The following LPCAT2 variants were observed in gnomAD, a reference collection of about 807,000 sequenced individuals.
LPCAT2 encodes lysophosphatidylcholine acyltransferase 2, also known as 1-AGP acyltransferase 11.
Under a neutral mutation model 64.7 loss-of-function variants are expected in LPCAT2, and 58 were observed. The observed-to-expected ratio is 0.90, with a 90% CI of 0.73 to 1.12. The LOEUF (loss-of-function observed/expected upper bound fraction) is 1.12, where lower values mean the gene tolerates loss of function less well. Among genes scored for constraint, LPCAT2 ranks in the 50% most tolerant of loss-of-function variants. The pLI, the probability that LPCAT2 is intolerant of heterozygous loss-of-function variation, is 0.00. For synonymous variants in LPCAT2, 252 were observed against 245.3 expected (o/e 1.03, Z -0.26); for missense variants, 579 against 669.8 (o/e 0.86, Z 1.50).
Position 55,567,209 on chromosome 16 carries a change from C to G in LPCAT2, c.1216-7422C>G, listed in dbSNP as rs1963712141. 2.5e-6 allele frequency: 4 copies of G among 1,613,672 alleles called. No individual in the cohort carries two copies. The highest frequency in any genetic ancestry group is 2.7e-5 in the African/African-American group (2 of 74,878). ...AATTTAAGTATCTGTGGAACAACAT[C>G]AAGAAATGGCAGTGTGTTTATAAGC... is the stretch of plus-strand genomic sequence containing the variant. On this transcript the variant is annotated intron_variant, in intron 11 of 13. Transcript: ENST00000262134.
intron 2 of LPCAT2, among the ~76,000 whole-genome samples, chr16:55,526,269 C>T (rs1403607392): frequency 2.0e-5 from 3 of 152,024 alleles, no homozygotes; most frequent in African/African-American, 7.2e-5. Flanking sequence ...GTTGACAAAG[C>T]TACTGGTAAA....
chr16:55,509,627 G>C (rs1175902614), intron 1 of LPCAT2, among the ~76,000 whole-genome samples: 1 of 151,984 alleles, frequency 6.6e-6, no homozygotes, highest in African/African-American at 2.4e-5. Flanking sequence ...CGAGGGGCGC[G>C]TGGGTCTGAG....
rs1021055541 is a variant in LPCAT2, at chr16:55,519,703, C to A, written c.172-5805C>A. Among the ~76,000 whole-genome samples, 7 of 151,976 alleles carry A rather than the reference C, an allele frequency of 4.6e-5. No individual in the cohort carries two copies. In the East Asian group the frequency reaches 1.4e-3, roughly 29 times the overall value. On this transcript the variant is annotated intron_variant, in intron 1 of 13. Coordinates refer to ENST00000262134, the MANE Select transcript of LPCAT2 (RefSeq NM_017839.5). ...AGCTAGAAAATGTAACCATTTAATACAAAAATTATTATTTTCTTGGGTTTA... is the reference window on the plus strand; with the variant it reads ...AGCTAGAAAATGTAACCATTTAATAAAAAAATTATTATTTTCTTGGGTTTA...
chr16:55,578,876 TC>T lies in LPCAT2; in HGVS notation c.1315-229del, dbSNP rs201373347. On this transcript the variant is annotated intron_variant, in intron 12 of 13. Transcript: ENST00000262134. Reference sequence around the variant, plus strand: ...GGATTCATTATGTTCCCCATGGAGATCCCCTGTCCCTTTGTACTATGGACCA... The same window carrying T: ...GGATTCATTATGTTCCCCATGGAGATCCCTGTCCCTTTGTACTATGGACCA... The T allele has an allele frequency of 6.9e-4, 271 of 393,200 alleles. 2 individuals carry two copies. The East Asian group carries it at 0.01, about 15-fold the overall frequency. The allele number at this position is 393,200 out of a possible 1,614,324, so 24.4% of individuals were successfully genotyped here.
chr16:55,528,313 G>C (rs918580060), intron 2 of LPCAT2, 64 bp from the exon 3 acceptor site: 2 of 1,278,992 alleles, frequency 1.6e-6, no homozygotes, highest in Admixed American at 3.7e-5. Context: ...TTGTATTATA[G>C]AGTAAAACCC....
At chr16:55,565,518 C>T (rs188963781) in intron 11 of LPCAT2, among the ~76,000 whole-genome samples, 311 of 152,082 alleles carry the variant, frequency 2.0e-3, no homozygotes, top group African/African-American at 7.3e-3. Flanking sequence ...TATTATTCAT[C>T]ATTAGAAAGG....
intron 11 of LPCAT2, among the ~76,000 whole-genome samples, chr16:55,572,942 AAC>A (rs1184604346): frequency 6.6e-6 from 1 of 152,198 alleles, no homozygotes; most frequent in Admixed American, 6.5e-5. Flanking sequence ...GAAAAGGAAA[AAC>A]AAAAAACAAA....
intron 7 of LPCAT2, among the ~76,000 whole-genome samples, chr16:55,536,842 T>C (rs2142387226): frequency 6.6e-6 from 1 of 152,290 alleles, no homozygotes; most frequent in Middle Eastern, 3.4e-3. Flanking sequence ...TCAAACATTA[T>C]CTTTTAGAGG....
chr16:55,515,372 G>A (rs1962996621), intron 1 of LPCAT2, among the ~76,000 whole-genome samples: 2 of 151,966 alleles, frequency 1.3e-5, no homozygotes, highest in Admixed American at 6.6e-5. Flanking sequence ...TGTCAACAAA[G>A]AATTGTATAG....
At chr16:55,516,472 T>C (rs1963013076) in intron 1 of LPCAT2, among the ~76,000 whole-genome samples, 1 of 152,134 alleles carries the variant, frequency 6.6e-6, no homozygotes, top group Non-Finnish European at 1.5e-5. Context: ...TGATATACCA[T>C]GCAAACAGTA....
chr16:55,514,258 G>A (rs1962975356), intron 1 of LPCAT2, among the ~76,000 whole-genome samples: 1 of 152,086 alleles, frequency 6.6e-6, no homozygotes, highest in African/African-American at 2.4e-5. Flanking sequence ...CTATGCACAT[G>A]TCCTGAAAAT....
intron 8 of LPCAT2, among the ~76,000 whole-genome samples, chr16:55,537,888 G>C (rs1438689709): frequency 3.3e-5 from 5 of 152,204 alleles, no homozygotes; most frequent in African/African-American, 1.2e-4. Context: ...CTCCTTTAAT[G>C]CTGACCTCTG....
chr16:55,516,212 C>T (rs1254286262), intron 1 of LPCAT2, among the ~76,000 whole-genome samples: 1 of 152,058 alleles, frequency 6.6e-6, no homozygotes, highest in South Asian at 2.1e-4. Context: ...TCAAGTGTTC[C>T]TTCTATCTCA....
intron 2 of LPCAT2, 42 bp downstream of exon 2, chr16:55,525,689 A>C: frequency 2.1e-6 from 3 of 1,458,876 alleles, no homozygotes; most frequent in Non-Finnish European, 2.8e-6. Flanking sequence ...CATAATATTA[A>C]ATTAAGATAT....
intron 11 of LPCAT2, chr16:55,557,035 A>T (rs753554457): frequency 6.6e-6 from 1 of 152,152 alleles, no homozygotes; most frequent in Non-Finnish European, 1.5e-5. Flanking sequence ...TTATTTTATA[A>T]TTGTGGGGCT....
chr16:55,516,389 G>C (rs570490398), intron 1 of LPCAT2, among the ~76,000 whole-genome samples: 1 of 152,288 alleles, frequency 6.6e-6, no homozygotes, highest in African/African-American at 2.4e-5. Flanking sequence ...ATAGGTGTGA[G>C]CCACCATGCC....
At chr16:55,577,856 C>T (rs74021226) in intron 12 of LPCAT2, among the ~76,000 whole-genome samples, 174 of 152,180 alleles carry the variant, frequency 1.1e-3, no homozygotes, top group African/African-American at 3.9e-3. Flanking sequence ...GTCCATATTT[C>T]TTGCCTCTGC....
Position 55,529,906 on chromosome 16 carries a change from G to A in LPCAT2, c.601G>A (p.Glu201Lys). 1 of 1,607,688 alleles carries A rather than the reference G, an allele frequency of 6.2e-7. No homozygotes were observed. Among genetic ancestry groups the A allele is most frequent in the Non-Finnish European group, 8.5e-7 (1 of 1,177,510 alleles). ...DPDSRKNTIN[E>K]IIKRTTSGGE... ...GGATTCCCGAAAAAACACAATAAAT[G>A]AAATAATAAAGCGAACAACATCAGG... The change falls in exon 4 of 14, where the codon GAA (glutamate) becomes AAA (lysine). Residue 201 changes from glutamate to lysine, a missense_variant. Glu to Lys is a moderately conservative substitution (Grantham distance 56). Transcript: ENST00000262134.
chr16:55,578,738 G>A (rs1299346383), intron 12 of LPCAT2, among the ~76,000 whole-genome samples: 2 of 152,090 alleles, frequency 1.3e-5, no homozygotes, highest in Non-Finnish European at 2.9e-5. Context: ...CTCCTGACTG[G>A]AGCCCCAGGC....
Sources: gnomAD v4.1 joint callset for allele counts (sites outside exome capture counted in the v4.1 genomes callset) on GRCh38, gnomAD v4.1.1 for gene constraint, MANE v1.5 for transcripts, NCBI Gene and HGNC (gene_info 2026-07-23, HGNC 2026-07-21) for gene names.